The following PRTFDC1 variants were observed in gnomAD, a reference collection of about 807,000 sequenced individuals.
The protein encoded by PRTFDC1 is phosphoribosyl transferase domain containing 1.
In PRTFDC1, 38 loss-of-function variants were observed where a neutral mutation model predicts 34.6. The ratio of observed to expected loss-of-function variants is 1.10; its 90% CI spans 0.85 to 1.44. The LOEUF is 1.44. Ranked by LOEUF, PRTFDC1 falls within the 40% of genes most tolerant of loss-of-function variation. PRTFDC1 has a pLI of 0.00. For synonymous variants in PRTFDC1, 93 were observed against 98.1 expected (o/e 0.95, Z 0.31); for missense variants, 270 against 283.0 (o/e 0.95, Z 0.33).
At chr10:24,951,735 G>A (rs1849348409) in intron 1 of PRTFDC1, 1 of 412,480 alleles carries the variant, frequency 2.4e-6, no homozygotes, top group Non-Finnish European at 3.3e-6. Context: ...GGAGGACGTG[G>A]CCACAAGGTC....
At chr10:24,939,811 AAAAAG>A (rs1849124100) in intron 2 of PRTFDC1, among the ~76,000 whole-genome samples, 1 of 150,714 alleles carries the variant, frequency 6.6e-6, no homozygotes. Flanking sequence ...AAAAAAAAAA[AAAAAG>A]AAAAAGAAAC....
chr10:24,873,063 T>G (rs1487161594), intron 3 of PRTFDC1, among the ~76,000 whole-genome samples: 1 of 152,016 alleles, frequency 6.6e-6, no homozygotes, highest in East Asian at 1.9e-4. Flanking sequence ...CGAGCCCAAG[T>G]GATTCTCCTG....
intron 3 of PRTFDC1, among the ~76,000 whole-genome samples, chr10:24,906,880 G>A (rs1848544794): frequency 6.6e-6 from 1 of 152,212 alleles, no homozygotes; most frequent in Admixed American, 6.5e-5. Context: ...TGGACAAGCT[G>A]TCAGGAGGCT....
chr10:24,895,995 G>T (rs1848356077), intron 3 of PRTFDC1, among the ~76,000 whole-genome samples: 1 of 151,966 alleles, frequency 6.6e-6, no homozygotes, highest in African/African-American at 2.4e-5. Flanking sequence ...AACATCTCTG[G>T]CCTCAGCTAA....
Position 24,952,558 on chromosome 10 carries a change from C to T in PRTFDC1, c.18G>A (p.Glu6=), listed in dbSNP as rs776518409. Residue 6 remains glutamate (E), a synonymous_variant, in exon 1 of 9, where the codon GAG becomes GAA. Coordinates refer to ENST00000320152, the MANE Select transcript of PRTFDC1 (RefSeq NM_020200.7). The surrounding 1 kb of genome is among the most constrained non-coding windows in gnomAD (Gnocchi z 5.1). ...CGCCTCGCCCGTAGTCTGGCGCCTC[C>T]TCGCTGCTCCCGGCCATGTTTCTCC... The part of the protein sequence containing the change: MAGSS[E]EAPDYGRGVV... The T allele has an allele frequency of 5.1e-5, 81 of 1,592,204 alleles. No homozygotes were observed. The highest frequency in any genetic ancestry group is 6.6e-5 in the Non-Finnish European group (77 of 1,169,354).
intron 3 of PRTFDC1, among the ~76,000 whole-genome samples, chr10:24,873,603 T>A (rs867997822): frequency 5.9e-5 from 9 of 152,174 alleles, no homozygotes; most frequent in Admixed American, 2.6e-4. Context: ...TTCCACATGG[T>A]TCAGGTAGGG....
At chr10:24,939,301 CAAA>C (rs34582221) in intron 2 of PRTFDC1, among the ~76,000 whole-genome samples, 3 of 89,786 alleles carry the variant, frequency 3.3e-5, no homozygotes, top group Non-Finnish European at 6.8e-5. Flanking sequence ...AACTCTGACT[CAAA>C]AAAAAAAAAA....
chr10:24,940,807 A>G (rs554671803), intron 2 of PRTFDC1, among the ~76,000 whole-genome samples: 20 of 152,316 alleles, frequency 1.3e-4, no homozygotes, highest in East Asian at 7.7e-4. Context: ...TGGTCAATCA[A>G]TAATTAGCTA....
chr10:24,910,568 ATTC>A (rs1261300084), intron 3 of PRTFDC1, among the ~76,000 whole-genome samples: 2 of 152,228 alleles, frequency 1.3e-5, no homozygotes, highest in East Asian at 1.9e-4. Flanking sequence ...AAGAGCAAGC[ATTC>A]TTCTCCCTTC....
chr10:24,886,566 T>C (rs183853200), intron 3 of PRTFDC1, among the ~76,000 whole-genome samples: 1 of 152,314 alleles, frequency 6.6e-6, no homozygotes, highest in Admixed American at 6.5e-5. Flanking sequence ...TTGTGCAGAT[T>C]GTGATTCTGT....
Position 24,887,348 on chromosome 10 carries a change from G to C in PRTFDC1, c.340-15285C>G, listed in dbSNP as rs536884538. Among the ~76,000 whole-genome samples the C allele has an allele frequency of 5.9e-5, 9 of 152,202 alleles. 1 individual carries two copies. The South Asian group carries it at 1.9e-3, about 32-fold the overall frequency. ...AAACTGTAGTTCTCATAATCCCCAC[G>C]TGTCATGGGAGGGACCTGGTGGAGA... On this transcript the variant is annotated intron_variant, in intron 3 of 8. Coordinates refer to ENST00000320152, the MANE Select transcript of PRTFDC1 (RefSeq NM_020200.7).
chr10:24,885,377 T>C (rs1273171605), intron 3 of PRTFDC1, among the ~76,000 whole-genome samples: 1 of 152,206 alleles, frequency 6.6e-6, no homozygotes, highest in African/African-American at 2.4e-5. Flanking sequence ...TGAAAACTTA[T>C]GTCTGCAAAA....
intron 3 of PRTFDC1, among the ~76,000 whole-genome samples, chr10:24,934,244 GAAGGAGAAGA>G (rs1415828241): frequency 0.15 from 21,305 of 140,578 alleles, 1,565 homozygotes; most frequent in Non-Finnish European, 0.18. Flanking sequence ...AGAAGAAGAA[GAAGGAGAAGA>G]AGAAGAAGAA....
At chr10:24,857,138 G>T (rs991526157) in intron 5 of PRTFDC1, 143 bp from the exon 6 acceptor site, 3 of 729,776 alleles carry the variant, frequency 4.1e-6, no homozygotes, top group Non-Finnish European at 7.2e-6. Flanking sequence ...GGAAGAGTTG[G>T]TTATGTTTTA....
At chr10:24,887,440 A>G (rs1457889688) in intron 3 of PRTFDC1, among the ~76,000 whole-genome samples, 1 of 140,126 alleles carries the variant, frequency 7.1e-6, no homozygotes, top group African/African-American at 2.6e-5. Context: ...AGTTCTCACG[A>G]GATCTGATGG....
intron 3 of PRTFDC1, among the ~76,000 whole-genome samples, chr10:24,911,156 C>T (rs992596185): frequency 6.6e-6 from 1 of 152,194 alleles, no homozygotes; most frequent in African/African-American, 2.4e-5. Flanking sequence ...GATGAATGCA[C>T]AGTCATCTAT....
intron 3 of PRTFDC1, among the ~76,000 whole-genome samples, chr10:24,927,627 G>A (rs1848898915): frequency 7.0e-6 from 1 of 143,422 alleles, no homozygotes; most frequent in South Asian, 2.2e-4. Context: ...CTGTCACCAG[G>A]CTGGAGTGCA....
intron 3 of PRTFDC1, among the ~76,000 whole-genome samples, chr10:24,892,966 C>T (rs1848290601): frequency 6.6e-6 from 1 of 152,134 alleles, no homozygotes; most frequent in African/African-American, 2.4e-5. Context: ...GAAAGAGTTT[C>T]TAAGATCTCT....
At position 24,937,243 on chromosome 10, in the gene PRTFDC1, G is replaced by A. The variant is rs758343863; in HGVS notation, c.280C>T (p.Arg94Ter). ...ATTGAGACAAATCGATCTGAATTTCGGCTGATGTTCTTAAGGTGTTCTACG... is the reference window on the plus strand; with the variant it reads ...ATTGAGACAAATCGATCTGAATTTCAGCTGATGTTCTTAAGGTGTTCTACG... The part of the protein sequence containing the change: ...DLVEHLKNIS[R>*]NSDRFVSMKV... Residue 94 changes from arginine (R) to a stop codon, truncating the protein, a stop_gained, in exon 3 of 9, where the codon CGA (arginine) becomes TGA (stop). Transcript: ENST00000320152. LOFTEE classifies it high-confidence loss of function. The A allele has an allele frequency of 9.9e-6, 16 of 1,613,222 alleles. No individual in the cohort carries two copies. Among genetic ancestry groups the A allele is most frequent in the East Asian group, 6.7e-5 (3 of 44,830 alleles).
Sources: allele counts gnomAD v4.1 joint callset (sites outside exome capture counted in the v4.1 genomes callset), GRCh38; gene constraint gnomAD v4.1.1; non-coding constraint Gnocchi (gnomAD v3.1); transcripts MANE v1.5; gene names NCBI Gene and HGNC (gene_info 2026-07-23, HGNC 2026-07-21).